Variants in NR4A1 observed in about 807,000 individuals in gnomAD.
NR4A1 encodes the protein nuclear receptor subfamily 4 group A member 1.
In NR4A1, 24 loss-of-function variants were observed where a neutral mutation model predicts 47.5. That is an observed-to-expected ratio of 0.50 (90% CI 0.37 to 0.71). The LOEUF (loss-of-function observed/expected upper bound fraction) is 0.71, where lower values mean the gene tolerates loss of function less well. Ranked by LOEUF, NR4A1 falls within the 30% of genes least tolerant of loss-of-function variation. The probability of loss-of-function intolerance (pLI) is 0.00; values close to 1 mark genes in which losing one functional copy is unlikely to be tolerated. For missense variants in NR4A1, 669 were observed against 788.6 expected (o/e 0.85, Z 1.82); for synonymous variants, 353 against 345.7 (o/e 1.02, Z -0.24).
intron 1 of NR4A1, chr12:52,041,793 C>T: frequency 1.5e-6 from 2 of 1,326,130 alleles, no homozygotes; most frequent in Non-Finnish European, 1.9e-6. Flanking sequence ...TCACTCACAT[C>T]GACTCTCCCT....
upstream of NR4A1, among the ~76,000 whole-genome samples, chr12:52,051,120 G>A (rs1018555351): frequency 1.3e-5 from 2 of 152,222 alleles, no homozygotes; most frequent in African/African-American, 4.8e-5. Context: ...TCCGGTGCGG[G>A]GAGCCTAGTG....
At chr12:52,042,644 G>C (rs1298331725) in intron 2 of NR4A1, among the ~76,000 whole-genome samples, 2 of 152,186 alleles carry the variant, frequency 1.3e-5, no homozygotes, top group African/African-American at 2.4e-5. Context: ...GCAAGCACAG[G>C]CACCTGGTCT....
At chr12:52,058,552 A>G (rs1356538066) in intron 6 of NR4A1, 136 bp from the exon 7 acceptor site, 1 of 1,156,852 alleles carries the variant, frequency 8.6e-7, no homozygotes, top group Non-Finnish European at 1.2e-6. Flanking sequence ...AATGGCCAAC[A>G]TGTGAATGCG....
rs1353709494 is a variant in NR4A1 at position 52,054,975 on chromosome 12, A to G, written c.647A>G (p.His216Arg). 2.5e-6 allele frequency: 4 copies of G among 1,613,614 alleles called. No individual in the cohort carries two copies. The African/African-American group carries it at 4.0e-5, about 16-fold the overall frequency. ...PLKLFPSQAT[H>R]QLGEGESYSM... ...AAGTTGTTCCCCTCACAGGCCACCCACCAGCTGGGGGAGGGAGAGAGCTAT... is the reference window on the plus strand; with the variant it reads ...AAGTTGTTCCCCTCACAGGCCACCCGCCAGCTGGGGGAGGGAGAGAGCTAT... The change falls in exon 2 of 7, where the codon CAC (histidine) becomes CGC (arginine). Residue 216 changes from histidine to arginine, a missense_variant. By Grantham distance (29) the His-to-Arg change is conservative. Transcript: ENST00000394825.
chr12:52,058,402 C>T (rs1939381914), intron 6 of NR4A1: 1 of 463,528 alleles, frequency 2.2e-6, no homozygotes, highest in Non-Finnish European at 3.8e-6. Context: ...ACCCAATGAT[C>T]TAGCCAGAAA....
rs1939313704 is a variant in NR4A1 at position 52,057,091 on chromosome 12, A to G, written c.1193A>G (p.Glu398Gly). 6.2e-7 allele frequency: 1 copy of G among 1,610,930 alleles called. No individual in the cohort carries two copies. Among genetic ancestry groups the G allele is most frequent in the Non-Finnish European group, 8.5e-7 (1 of 1,178,528 alleles). ...CTGGTGCTGCCCCACTTTGGGAAGG[A>G]AGATGCTGGGGATGTACAGCAGTTC... The part of the protein sequence containing the change: ...QELVLPHFGK[E>G]DAGDVQQFYD... Residue 398 changes from glutamate to glycine, a missense_variant, in exon 5 of 7, where the codon GAA becomes GGA. Glu to Gly is a moderately conservative substitution (Grantham distance 98). Coordinates refer to ENST00000394825, the MANE Select transcript of NR4A1 (RefSeq NM_173157.3).
In NR4A1 at chr12:52,055,323, T is replaced by C. The variant is rs528067863; in HGVS notation, c.876+119T>C. 6 of 1,374,002 alleles carry C rather than the reference T, an allele frequency of 4.4e-6. No homozygotes were observed. The African/African-American group carries it at 7.2e-5, about 16-fold the overall frequency. The allele number at this position is 1,374,002 out of a possible 1,614,324, so 85.1% of individuals were successfully genotyped here. ...CCTAGCTAAGTCCTGTCCTGCAGGG[T>C]GGGATCAGCCCTGCCAGGTGGGCCG... On this transcript the variant is annotated intron_variant, in intron 2 of 6. Transcript: ENST00000394825.
At chr12:52,026,810 G>C (rs1207194257) in intron 1 of NR4A1, among the ~76,000 whole-genome samples, 1 of 152,066 alleles carries the variant, frequency 6.6e-6, no homozygotes, top group Non-Finnish European at 1.5e-5. Context: ...ACCAAACTAG[G>C]CCTGCAGGAG....
chr12:52,023,919 G>T (rs1170281416), intron 1 of NR4A1, among the ~76,000 whole-genome samples: 2 of 152,204 alleles, frequency 1.3e-5, no homozygotes, highest in Admixed American at 1.3e-4. Context: ...CCCCCGGCCC[G>T]GCTCCTGGAC....
Position 52,059,257 on chromosome 12 carries a change from A to G in NR4A1, c.*313A>G, listed in dbSNP as rs1410789313. ...CAGTGCTGCTGTAAATACAGGAAGA[A>G]AGAGCTTGAGGTGGGAGCGGGGCTG... is the stretch of plus-strand genomic sequence containing the variant. On this transcript the variant is annotated 3_prime_UTR_variant, in exon 7 of 7. Transcript: ENST00000394825. The G allele has an allele frequency of 3.5e-6, 1 of 281,870 alleles. No individual in the cohort carries two copies. Among genetic ancestry groups the G allele is most frequent in the Non-Finnish European group, 6.6e-6 (1 of 151,994 alleles). The allele number at this position is 281,870 out of a possible 1,614,324, so 17.5% of individuals were successfully genotyped here. A position where few individuals can be genotyped will look rare whatever the true frequency, so the allele number is the denominator to read the frequency against.
intron 1 of NR4A1, among the ~76,000 whole-genome samples, chr12:52,023,568 C>G (rs538635190): frequency 6.6e-6 from 1 of 152,250 alleles, no homozygotes; most frequent in Non-Finnish European, 1.5e-5. Context: ...CGCCCCCACC[C>G]CGCCTCCATC....
chr12:52,030,658 A>T (rs1317464006), intron 1 of NR4A1, among the ~76,000 whole-genome samples: 1 of 152,012 alleles, frequency 6.6e-6, no homozygotes, highest in Non-Finnish European at 1.5e-5. Context: ...CGAACTCCTG[A>T]CCTCATGTGA....
At chr12:52,038,654 T>A (rs1028592029) in intron 1 of NR4A1, 1 of 747,840 alleles carries the variant, frequency 1.3e-6, no homozygotes, top group African/African-American at 1.7e-5. Context: ...GTGACTTGGA[T>A]GGAGACTTAA....
intron 1 of NR4A1, chr12:52,037,726 G>C: frequency 1.0e-6 from 1 of 985,508 alleles, no homozygotes; most frequent in Non-Finnish European, 1.2e-6. Flanking sequence ...TTCTCCGCCG[G>C]CTGCGGGAAC....
intron 1 of NR4A1, chr12:52,053,550 A>T (rs1320529080): frequency 7.5e-6 from 1 of 133,294 alleles, no homozygotes; most frequent in Non-Finnish European, 1.6e-5. Context: ...ATGGCCTTTA[A>T]AGGTCTGGAG....
chr12:52,053,659 G>A (rs1939096263), intron 1 of NR4A1: 1 of 152,400 alleles, frequency 6.6e-6, no homozygotes, highest in Non-Finnish European at 1.5e-5. Context: ...TGGCAGGATT[G>A]GGGTGGGTTT....
intron 1 of NR4A1, among the ~76,000 whole-genome samples, chr12:52,033,272 C>T (rs1481732442): frequency 1.3e-5 from 2 of 152,276 alleles, no homozygotes; most frequent in African/African-American, 4.8e-5. Context: ...GGAGGACCCG[C>T]CGGGCCAGAT....
intron 1 of NR4A1, among the ~76,000 whole-genome samples, chr12:52,036,795 A>G (rs1369715566): frequency 6.9e-6 from 1 of 145,662 alleles, no homozygotes; most frequent in African/African-American, 2.8e-5. Context: ...CAGCAGCCGA[A>G]TCGCTGTGAC....
intron 2 of NR4A1, 43 bp from the exon 3 acceptor site, chr12:52,055,971 AGTTCCCCCCTCCCCAC>A: frequency 5.1e-6 from 3 of 586,622 alleles, no homozygotes; most frequent in Non-Finnish European, 8.1e-6. Context: ...CCCTCCCCTA[AGTTCCCCCCTCCCCAC>A]CCCACACTCT....
Sources: gnomAD v4.1 joint callset for allele counts (sites outside exome capture counted in the v4.1 genomes callset) on GRCh38, gnomAD v4.1.1 for gene constraint, MANE v1.5 for transcripts, NCBI Gene and HGNC (gene_info 2026-07-23, HGNC 2026-07-21) for gene names.